IFT80: variants seen among roughly 807,000 people sequenced by gnomAD.
The protein encoded by IFT80 is intraflagellar transport 80.
Under a neutral mutation model 107.9 loss-of-function variants are expected in IFT80, and 79 were observed. The observed-to-expected ratio is 0.73, with a 90% CI of 0.61 to 0.88. IFT80 has a LOEUF of 0.88. IFT80 is among the 40% of genes least tolerant of loss of function. The pLI, the probability that IFT80 is intolerant of heterozygous loss-of-function variation, is 0.00. For synonymous variants in IFT80, 299 were observed against 300.9 expected, an observed-to-expected ratio of 0.99 and a Z score of 0.07; for missense variants, 797 against 914.2, an observed-to-expected ratio of 0.87 and a Z score of 1.65.
In IFT80 at chr3:160,292,654, A is replaced by G. The variant is rs555418858; in HGVS notation, c.1316-6786T>C. Among the ~76,000 whole-genome samples the G allele has an allele frequency of 1.3e-3, 199 of 151,786 alleles. 1 individual carries two copies. Among genetic ancestry groups the G allele is most frequent in the African/African-American group, 4.6e-3 (191 of 41,400 alleles). Reference sequence around the variant, plus strand: ...ACCACCACGGCCAGCTAATTTTTACATTTTTAGTAGAGACGGGGTTTCACC... The same window carrying G: ...ACCACCACGGCCAGCTAATTTTTACGTTTTTAGTAGAGACGGGGTTTCACC... On this transcript the variant is annotated intron_variant, in intron 12 of 19. Transcript: ENST00000326448.
intron 8 of IFT80, among the ~76,000 whole-genome samples, chr3:160,333,924 G>A (rs930437552): frequency 2.0e-5 from 3 of 152,000 alleles, no homozygotes; most frequent in Non-Finnish European, 4.4e-5. Context: ...GGCTGACAGC[G>A]CAGTGGTATG....
rs1718084277 is a variant in IFT80 at position 160,319,932 on chromosome 3, T to C, written c.785A>G (p.Tyr262Cys). ...LRLCDKTGWS[Y>C]ALEKPNTGSI... ...GCCAGTGTTGGGTTTTTCTAATGCA[T>C]ATGACCACTGGGGGAGAAAAAACAA... Residue 262 changes from tyrosine (Y) to cysteine (C), a missense_variant, in exon 9 of 20, where the codon TAT (tyrosine) becomes TGT (cysteine). By Grantham distance (194) the Tyr-to-Cys change is radical. Coordinates refer to ENST00000326448, the MANE Select transcript of IFT80 (RefSeq NM_020800.3). 8 of 1,610,582 alleles carry C rather than the reference T, an allele frequency of 5.0e-6. No homozygotes were observed. The highest frequency in any genetic ancestry group is 6.8e-6 in the Non-Finnish European group (8 of 1,178,816).
At chr3:160,308,304 G>T (rs1040448176) in intron 9 of IFT80, among the ~76,000 whole-genome samples, 1 of 151,984 alleles carries the variant, frequency 6.6e-6, no homozygotes, top group Admixed American at 6.6e-5. Flanking sequence ...AGTGGGGAAA[G>T]GTATTTCCAT....
chr3:160,345,075 C>A (rs1167963523), intron 8 of IFT80, among the ~76,000 whole-genome samples: 1 of 152,140 alleles, frequency 6.6e-6, no homozygotes, highest in African/African-American at 2.4e-5. Flanking sequence ...TATGACCAAG[C>A]AATCCCACTG....
intron 18 of IFT80, among the ~76,000 whole-genome samples, chr3:160,275,037 C>T (rs1428974404): frequency 6.6e-6 from 1 of 152,174 alleles, no homozygotes; most frequent in Non-Finnish European, 1.5e-5. Flanking sequence ...AGATTTTGTG[C>T]TTATTTATAT....
intron 5 of IFT80, among the ~76,000 whole-genome samples, chr3:160,371,114 T>C (rs902429603): frequency 1.3e-5 from 2 of 152,178 alleles, no homozygotes; most frequent in African/African-American, 2.4e-5. Flanking sequence ...CCCTTGGCAG[T>C]ACTATCCTTC....
intron 19 of IFT80, among the ~76,000 whole-genome samples, chr3:160,262,593 G>A (rs1712941929): frequency 6.6e-6 from 1 of 152,178 alleles, no homozygotes; most frequent in African/African-American, 2.4e-5. Flanking sequence ...CCAAAGTGCT[G>A]AGATTACAGG....
chr3:160,380,978 T>A, intron 3 of IFT80, among the ~76,000 whole-genome samples: 1 of 151,956 alleles, frequency 6.6e-6, no homozygotes, highest in East Asian at 1.9e-4. Flanking sequence ...CTCATACCTG[T>A]AATCCCAGCA....
chr3:160,352,162 GT>G (rs1205558337), intron 8 of IFT80, among the ~76,000 whole-genome samples: 2 of 150,898 alleles, frequency 1.3e-5, no homozygotes, highest in African/African-American at 4.9e-5. Flanking sequence ...GGCTAATTTT[GT>G]TTTTGTATTT....
At chr3:160,325,892 G>A (rs1718643040) in intron 8 of IFT80, among the ~76,000 whole-genome samples, 3 of 151,994 alleles carry the variant, frequency 2.0e-5, no homozygotes, top group Admixed American at 1.3e-4. Context: ...GGATTTTGGA[G>A]TATTTTGGCT....
At chr3:160,361,251 A>G (rs1196373897) in intron 6 of IFT80, among the ~76,000 whole-genome samples, 1 of 152,200 alleles carries the variant, frequency 6.6e-6, no homozygotes, top group Admixed American at 6.5e-5. Flanking sequence ...ACAGACTTTA[A>G]ACCAACAAAG....
In IFT80 at chr3:160,381,525, G is replaced by A; in HGVS notation, c.237C>T (p.Ser79=). The A allele has an allele frequency of 6.2e-7, 1 of 1,613,504 alleles. No homozygotes were observed. The highest frequency in any genetic ancestry group is 8.5e-7 in the Non-Finnish European group (1 of 1,179,646). Residue 79 remains serine (S), a synonymous_variant, in exon 3 of 20, where the codon AGC becomes AGT. Coordinates refer to ENST00000326448, the MANE Select transcript of IFT80 (RefSeq NM_020800.3). ...TACCATCAGAACTTGTGAGGACAAA[G>A]CTTTCTGCCTGGGTTTGTTTCTTTA... is the stretch of plus-strand genomic sequence containing the variant. ...LGVKKQTQAE[S]FVLTSSDGKF...
intron 9 of IFT80, among the ~76,000 whole-genome samples, chr3:160,314,991 A>G (rs1717687579): frequency 6.8e-6 from 1 of 146,224 alleles, no homozygotes; most frequent in African/African-American, 2.5e-5. Context: ...TTTTCCAAAA[A>G]GGGTTTGAAG....
chr3:160,334,049 C>A (rs191592044), intron 8 of IFT80, among the ~76,000 whole-genome samples: 1 of 152,194 alleles, frequency 6.6e-6, no homozygotes, highest in Admixed American at 6.5e-5. Flanking sequence ...CTTATGGGAC[C>A]ACTATCATAT....
intron 8 of IFT80, among the ~76,000 whole-genome samples, chr3:160,337,085 C>T (rs1559947066): frequency 6.6e-6 from 1 of 152,060 alleles, no homozygotes; most frequent in Admixed American, 6.6e-5. Context: ...TTTTCATCCT[C>T]TTCCTATTTT....
At chr3:160,398,054 A>G (rs770924852) in intron 1 of IFT80, among the ~76,000 whole-genome samples, 2 of 152,128 alleles carry the variant, frequency 1.3e-5, no homozygotes, top group African/African-American at 2.4e-5. Flanking sequence ...GATAATCCTT[A>G]TATCTTCTTG....
At chr3:160,380,623 G>GC (rs1712405903) in intron 3 of IFT80, among the ~76,000 whole-genome samples, 1 of 151,878 alleles carries the variant, frequency 6.6e-6, no homozygotes, top group African/African-American at 2.4e-5. Flanking sequence ...ACTCCTAATT[G>GC]AAACAGCAGG....
In IFT80 at chr3:160,270,812, T is replaced by C. The variant is rs564781082; in HGVS notation, c.2100-2276A>G. On this transcript the variant is annotated intron_variant, in intron 18 of 19. Transcript: ENST00000326448. The stretch of plus-strand genomic sequence containing the variant: ...GTGGAGACTGATGAGCTACTTTTTT[T>C]TGTCACCTTAGAAGCTCCATCTCCC... 9.2e-5 allele frequency among the ~76,000 whole-genome samples: 14 copies of C among 152,286 alleles called. No individual in the cohort carries two copies. In the South Asian group the frequency reaches 2.1e-3, roughly 23 times the overall value.
chr3:160,339,496 G>A (rs1476217230), intron 8 of IFT80, among the ~76,000 whole-genome samples: 1 of 151,992 alleles, frequency 6.6e-6, no homozygotes, highest in Admixed American at 6.6e-5. Flanking sequence ...AGTTTATCCT[G>A]TATATCTAAT....
Sources: allele counts gnomAD v4.1 joint callset (sites outside exome capture counted in the v4.1 genomes callset), GRCh38; gene constraint gnomAD v4.1.1; transcripts MANE v1.5; gene names NCBI Gene and HGNC (gene_info 2026-07-23, HGNC 2026-07-21).